Variants in DCDC1 observed in about 807,000 individuals in gnomAD.
DCDC1 encodes doublecortin domain-containing protein 1.
Under a neutral mutation model 178.3 loss-of-function variants are expected in DCDC1, and 200 were observed. That is an observed-to-expected ratio of 1.12 (90% confidence interval 1.00 to 1.26). The LOEUF (loss-of-function observed/expected upper bound fraction) is 1.26, where lower values mean the gene tolerates loss of function less well. DCDC1 is among the 50% of genes most tolerant of loss of function. The pLI, the probability that DCDC1 is intolerant of heterozygous loss-of-function variation, is 0.00. For synonymous variants in DCDC1, 690 were observed against 604.8 expected, an observed-to-expected ratio of 1.14 and a Z score of -2.07; for missense variants, 1,983 against 1,749.2, an observed-to-expected ratio of 1.13 and a Z score of -2.38.
chr11:31,329,807 C>T (rs997572674), intron 2 of DCDC1, among the ~76,000 whole-genome samples: 14 of 152,212 alleles, frequency 9.2e-5, no homozygotes, highest in African/African-American at 3.1e-4. Context: ...CATAGATGGA[C>T]ATTTGGGTTG....
chr11:31,281,020 C>T, intron 7 of DCDC1: 1 of 546,748 alleles, frequency 1.8e-6, no homozygotes, highest in Non-Finnish European at 3.5e-6. Flanking sequence ...AACGAAGGTT[C>T]CCGCTCTGAA....
chr11:30,873,982 G>A (rs147111102), intron 38 of DCDC1, among the ~76,000 whole-genome samples: 1 of 152,208 alleles, frequency 6.6e-6, no homozygotes, highest in African/African-American at 2.4e-5. Context: ...AAAATCTCTG[G>A]GTGGTTATAT....
intron 17 of DCDC1, among the ~76,000 whole-genome samples, chr11:31,078,213 T>C (rs1956977121): frequency 7.4e-6 from 1 of 135,808 alleles, no homozygotes; most frequent in African/African-American, 3.0e-5. Context: ...TCAATAAGAA[T>C]ATTATGGAAA....
chr11:31,198,255 C>T (rs532052947), intron 9 of DCDC1, among the ~76,000 whole-genome samples: 1 of 152,096 alleles, frequency 6.6e-6, no homozygotes, highest in South Asian at 2.1e-4. Flanking sequence ...TCATTAAACT[C>T]TAACATTGCC....
In DCDC1 at chr11:31,240,125, C is replaced by A. The variant is rs191325894; in HGVS notation, c.1221+1325G>T. Among the ~76,000 whole-genome samples the A allele has an allele frequency of 3.9e-3, 585 of 151,814 alleles. 4 individuals carry two copies. Among genetic ancestry groups the A allele is most frequent in the African/African-American group, 0.014 (562 of 41,466 alleles). On this transcript the variant is annotated intron_variant, in intron 9 of 38. Transcript: ENST00000684477. ...TAAATTTCAATAAGTGGAATCAAAC[C>A]ACATTAATTCCAAAAAATTATTGTA... is the stretch of plus-strand genomic sequence containing the variant.
chr11:31,336,769 T>C (rs944351939), intron 1 of DCDC1, among the ~76,000 whole-genome samples: 3 of 152,194 alleles, frequency 2.0e-5, no homozygotes, highest in African/African-American at 7.2e-5. Flanking sequence ...CAGTTTTCCT[T>C]GTAGCTGGGC....
At position 31,112,864 on chromosome 11, in the gene DCDC1, GC is replaced by G. The variant is rs201024934; in HGVS notation, c.1486-2504del. Among the ~76,000 whole-genome samples, 264 of 152,264 alleles carry G rather than the reference GC, an allele frequency of 1.7e-3. 1 individual carries two copies. Among genetic ancestry groups the G allele is most frequent in the African/African-American group, 6.3e-3 (261 of 41,556 alleles). ...TTCACTCAACAAATATTTACTGAGT[GC>G]CTACTACGTGCCAAGCACTGTTCAG... is the stretch of plus-strand genomic sequence containing the variant. On this transcript the variant is annotated intron_variant, in intron 11 of 38. Coordinates refer to ENST00000684477, the MANE Select transcript of DCDC1 (RefSeq NM_001387274.1).
At chr11:30,955,510 T>C (rs1948719440) in intron 20 of DCDC1, among the ~76,000 whole-genome samples, 1 of 152,140 alleles carries the variant, frequency 6.6e-6, no homozygotes. Flanking sequence ...TTTTCAAATA[T>C]CAGCCTACCC....
chr11:30,941,209 A>G (rs1298711213), intron 21 of DCDC1, among the ~76,000 whole-genome samples: 1 of 152,038 alleles, frequency 6.6e-6, no homozygotes, highest in Non-Finnish European at 1.5e-5. Context: ...AAGCCTTCCA[A>G]TTGCTTATTC....
At chr11:30,925,509 T>G in intron 22 of DCDC1, 101 bp from the exon 23 acceptor site, 2 of 1,003,582 alleles carry the variant, frequency 2.0e-6, no homozygotes, top group Admixed American at 4.1e-5. Flanking sequence ...TAATGACAAC[T>G]CTCTCTGCAG....
intron 9 of DCDC1, among the ~76,000 whole-genome samples, chr11:31,213,129 C>A (rs1972912484): frequency 7.3e-6 from 1 of 136,930 alleles, no homozygotes. Flanking sequence ...CTCTCTCTCT[C>A]TCTCTCTCTC....
At chr11:31,299,581 TATC>T (rs1947948633) in intron 6 of DCDC1, among the ~76,000 whole-genome samples, 1 of 152,190 alleles carries the variant, frequency 6.6e-6, no homozygotes, top group Non-Finnish European at 1.5e-5. Flanking sequence ...CACATTCCCA[TATC>T]ATGCTGTATA....
chr11:31,126,131 A>G (rs1961584621), intron 11 of DCDC1, among the ~76,000 whole-genome samples: 1 of 152,174 alleles, frequency 6.6e-6, no homozygotes, highest in Non-Finnish European at 1.5e-5. Context: ...AGCTGCTGAT[A>G]CAAATGAGTA....
chr11:31,340,130 T>C (rs1312851645), intron 1 of DCDC1, among the ~76,000 whole-genome samples: 1 of 152,200 alleles, frequency 6.6e-6, no homozygotes, highest in African/African-American at 2.4e-5. Context: ...AGAGGTCTGG[T>C]TTCCTTTACC....
intron 9 of DCDC1, among the ~76,000 whole-genome samples, chr11:31,158,994 T>C (rs905672690): frequency 1.3e-5 from 2 of 151,788 alleles, no homozygotes; most frequent in East Asian, 1.9e-4. Flanking sequence ...ATAATATAAA[T>C]TGGATGTATA....
chr11:31,016,872 C>T (rs1390890469), intron 20 of DCDC1, among the ~76,000 whole-genome samples: 1 of 152,180 alleles, frequency 6.6e-6, no homozygotes, highest in African/African-American at 2.4e-5. Flanking sequence ...AGTTTGGAAA[C>T]CACTGTCATA....
intron 1 of DCDC1, among the ~76,000 whole-genome samples, chr11:31,358,415 T>C (rs1307589233): frequency 6.6e-6 from 1 of 151,980 alleles, no homozygotes; most frequent in East Asian, 1.9e-4. Flanking sequence ...ACCCCTTCCT[T>C]ACACCTTATA....
intron 10 of DCDC1, among the ~76,000 whole-genome samples, chr11:31,136,756 G>T (rs1963181335): frequency 6.6e-6 from 1 of 152,066 alleles, no homozygotes; most frequent in Non-Finnish European, 1.5e-5. Context: ...GAAACGACAT[G>T]AAAATCATTT....
intron 8 of DCDC1, among the ~76,000 whole-genome samples, chr11:31,263,870 T>A (rs1944963902): frequency 6.6e-6 from 1 of 152,156 alleles, no homozygotes; most frequent in Non-Finnish European, 1.5e-5. Flanking sequence ...GGAGTTAAAG[T>A]TTGGATGAAG....
Sources: allele counts gnomAD v4.1 joint callset (sites outside exome capture counted in the v4.1 genomes callset), GRCh38; gene constraint gnomAD v4.1.1; transcripts MANE v1.5; gene names NCBI Gene and HGNC (gene_info 2026-07-23, HGNC 2026-07-21).